The following GUCY1A2 variants were observed in gnomAD, a reference collection of about 807,000 sequenced individuals.
GUCY1A2 encodes the protein guanylate cyclase 1 soluble subunit alpha 2, also known as guanylate cyclase soluble subunit alpha-2.
In GUCY1A2, 27 loss-of-function variants were observed where a neutral mutation model predicts 63.5. The observed-to-expected ratio is 0.43, with a 90% CI of 0.31 to 0.59. The LOEUF (loss-of-function observed/expected upper bound fraction) is 0.59. GUCY1A2 is among the 20% of genes least tolerant of loss of function. The pLI is 0.11. For missense variants in GUCY1A2, 768 were observed against 913.3 expected (o/e 0.84, Z 2.05); for synonymous variants, 364 against 343.5 (o/e 1.06, Z -0.66).
intron 5 of GUCY1A2, among the ~76,000 whole-genome samples, chr11:106,785,945 TC>T (rs1198020845): frequency 2.0e-5 from 3 of 151,938 alleles, no homozygotes; most frequent in Admixed American, 2.0e-4. Flanking sequence ...CCCCAGCTAT[TC>T]CCATGTACTC....
chr11:106,788,487 T>A (rs111573681), intron 5 of GUCY1A2, among the ~76,000 whole-genome samples: 50 of 152,312 alleles, frequency 3.3e-4, no homozygotes, highest in African/African-American at 1.2e-3. Flanking sequence ...AGAGTTTCTC[T>A]AATGTTTTCT....
intron 1 of GUCY1A2, among the ~76,000 whole-genome samples, chr11:107,003,210 CTT>C (rs772025414): frequency 6.6e-6 from 1 of 152,034 alleles, no homozygotes; most frequent in African/African-American, 2.4e-5. Flanking sequence ...CCTTTTTAAA[CTT>C]TGTTATATAG....
chr11:106,683,328 GA>G lies in GUCY1A2; in HGVS notation c.*4220del, dbSNP rs1862462712. On this transcript the variant is annotated 3_prime_UTR_variant, in exon 8 of 8. Transcript: ENST00000526355. Reference sequence around the variant, plus strand: ...CTTGAGTTTCTAGATATTGTCAGCTGAAAGACGCCTGGTGCTACCCAAAGCC... The same window carrying G: ...CTTGAGTTTCTAGATATTGTCAGCTGAAGACGCCTGGTGCTACCCAAAGCC... 4.5e-6 allele frequency: 1 copy of G among 222,700 alleles called. No homozygotes were observed. The highest frequency in any genetic ancestry group is 1.3e-3 in the Middle Eastern group (1 of 742). 13.8% of individuals were successfully genotyped at this position (222,700 alleles called of 1,614,324 possible). A position where few individuals can be genotyped will look rare whatever the true frequency, so the allele number is the denominator to read the frequency against.
At chr11:107,017,043 AT>A (rs1266420798) in intron 1 of GUCY1A2, among the ~76,000 whole-genome samples, 1 of 146,110 alleles carries the variant, frequency 6.8e-6, no homozygotes, top group Admixed American at 6.7e-5. Context: ...ATTAAATTTA[AT>A]TTAAAAAAAA....
chr11:106,915,729 C>A, intron 4 of GUCY1A2, among the ~76,000 whole-genome samples: 1 of 144,560 alleles, frequency 6.9e-6, no homozygotes, highest in East Asian at 2.1e-4. Flanking sequence ...TATAAATGAG[C>A]CACGTAAACC....
intron 4 of GUCY1A2, among the ~76,000 whole-genome samples, chr11:106,843,488 A>G (rs1859228923): frequency 6.6e-6 from 1 of 151,922 alleles, no homozygotes; most frequent in African/African-American, 2.4e-5. Context: ...CGTATTAGAT[A>G]TATTAGGGTG....
Position 106,775,659 on chromosome 11 carries a change from C to T in GUCY1A2, c.1836+780G>A, listed in dbSNP as rs543232215. Among the ~76,000 whole-genome samples, 394 of 152,106 alleles carry T rather than the reference C, an allele frequency of 2.6e-3. 2 individuals carry two copies. The highest frequency in any genetic ancestry group is 8.5e-3 in the African/African-American group (351 of 41,502). ...ATCTGCTATAATGCCAGAACTAGAA[C>T]GGTACTCATATTTTTAGCCATTTCC... On this transcript the variant is annotated intron_variant, in intron 6 of 7. Transcript: ENST00000526355.
intron 4 of GUCY1A2, among the ~76,000 whole-genome samples, chr11:106,870,982 T>C (rs1211982742): frequency 9.8e-5 from 15 of 152,304 alleles, no homozygotes; most frequent in Middle Eastern, 3.4e-3. Context: ...GATATTTTCA[T>C]TGGCTTATTA....
intron 4 of GUCY1A2, among the ~76,000 whole-genome samples, chr11:106,829,619 G>T (rs1859023883): frequency 6.6e-6 from 1 of 152,210 alleles, no homozygotes; most frequent in African/African-American, 2.4e-5. Flanking sequence ...TGGAAGTTAA[G>T]ATTGCCACCT....
intron 3 of GUCY1A2, among the ~76,000 whole-genome samples, chr11:106,974,108 T>G (rs1467761836): frequency 6.6e-6 from 1 of 152,012 alleles, no homozygotes; most frequent in African/African-American, 2.4e-5. Flanking sequence ...GTAACATTAT[T>G]AAGTTATTTC....
At chr11:106,816,866 GA>G (rs1858839488) in intron 4 of GUCY1A2, among the ~76,000 whole-genome samples, 2 of 151,200 alleles carry the variant, frequency 1.3e-5, no homozygotes, top group African/African-American at 4.9e-5. Flanking sequence ...CCAATCCCTT[GA>G]AAAAAACCCA....
At chr11:106,764,532 T>G (rs1024304597) in intron 6 of GUCY1A2, among the ~76,000 whole-genome samples, 2 of 152,140 alleles carry the variant, frequency 1.3e-5, no homozygotes, top group Non-Finnish European at 2.9e-5. Context: ...GGTCCATGAT[T>G]GTTGTAATAA....
intron 6 of GUCY1A2, among the ~76,000 whole-genome samples, chr11:106,745,787 T>C (rs780399425): frequency 2.0e-5 from 3 of 152,236 alleles, no homozygotes; most frequent in African/African-American, 4.8e-5. Context: ...TTTTATCTTT[T>C]GCCATGAATT....
chr11:106,712,200 T>C (rs1863132474), intron 6 of GUCY1A2, among the ~76,000 whole-genome samples: 1 of 152,172 alleles, frequency 6.6e-6, no homozygotes, highest in African/African-American at 2.4e-5. Flanking sequence ...ATCTATTCAT[T>C]TAAAATAATT....
chr11:106,693,167 G>T (rs1323715086), intron 7 of GUCY1A2, among the ~76,000 whole-genome samples: 1 of 152,200 alleles, frequency 6.6e-6, no homozygotes, highest in Non-Finnish European at 1.5e-5. Context: ...AGAATCTGAT[G>T]CATCTTGTAG....
intron 6 of GUCY1A2, among the ~76,000 whole-genome samples, chr11:106,754,587 G>A (rs1323614580): frequency 6.6e-6 from 1 of 152,160 alleles, no homozygotes; most frequent in Non-Finnish European, 1.5e-5. Flanking sequence ...TTTCGTCGAC[G>A]GTCTTTTCTG....
At chr11:106,734,209 C>G (rs1170069218) in intron 6 of GUCY1A2, among the ~76,000 whole-genome samples, 1 of 152,106 alleles carries the variant, frequency 6.6e-6, no homozygotes, top group East Asian at 1.9e-4. Flanking sequence ...CCAGCAACCA[C>G]TGGAGCAAGA....
intron 1 of GUCY1A2, among the ~76,000 whole-genome samples, chr11:106,992,625 C>T (rs1290560872): frequency 6.6e-6 from 1 of 152,022 alleles, no homozygotes; most frequent in Non-Finnish European, 1.5e-5. Context: ...CCACCACGCC[C>T]GGCCAGAACA....
chr11:106,912,059 C>T (rs1409345961), intron 4 of GUCY1A2, among the ~76,000 whole-genome samples: 1 of 151,916 alleles, frequency 6.6e-6, no homozygotes, highest in Non-Finnish European at 1.5e-5. Flanking sequence ...CCACATTCCT[C>T]CAACAAACTA....
Sources: allele counts gnomAD v4.1 joint callset (sites outside exome capture counted in the v4.1 genomes callset), GRCh38; gene constraint gnomAD v4.1.1; transcripts MANE v1.5; gene names NCBI Gene and HGNC (gene_info 2026-07-23, HGNC 2026-07-21).